Variants in ITSN2 observed in about 807,000 individuals in gnomAD.
The protein encoded by ITSN2 is intersectin 2.
In ITSN2, 156 loss-of-function variants were observed where a neutral mutation model predicts 243.7. The observed-to-expected ratio is 0.64, with a 90% CI of 0.56 to 0.73. The LOEUF is 0.73. Among genes scored for constraint, ITSN2 ranks in the 30% least tolerant of loss-of-function variants. The probability of loss-of-function intolerance (pLI) is 0.00; values close to 1 mark genes in which losing one functional copy is unlikely to be tolerated. For synonymous variants in ITSN2, 703 were observed against 699.9 expected, an observed-to-expected ratio of 1.00 and a Z score of -0.07; for missense variants, 1,801 against 1,996.1, an observed-to-expected ratio of 0.90 and a Z score of 1.86.
Position 24,248,896 on chromosome 2 carries a change from A to T in ITSN2, c.3121-14T>A. On this transcript the variant is annotated splice_polypyrimidine_tract_variant and intron_variant, in intron 25 of 39. Transcript: ENST00000355123. ...ACTCCCAAAACTCTACAAGGAAAAG[A>T]TACCGTGTTGTTTTATTATTTCCAA... 2.5e-6 allele frequency: 4 copies of T among 1,612,192 alleles called. No individual in the cohort carries two copies. Among genetic ancestry groups the T allele is most frequent in the Non-Finnish European group, 3.4e-6 (4 of 1,178,394 alleles).
At position 24,308,665 on chromosome 2, in the gene ITSN2, G is replaced by A. The variant is rs928548382; in HGVS notation, c.745C>T (p.Arg249Trp). ...AVPQPTRLKY[R>W]QKFNTLDKSM... is the part of the protein sequence containing the mutation. ...TTGTCAAGAGTATTAAATTTTTGCCGATATTTTAATCTTGTAGGCTGAGGA... is the reference window on the plus strand; with the variant it reads ...TTGTCAAGAGTATTAAATTTTTGCCAATATTTTAATCTTGTAGGCTGAGGA... Residue 249 changes from arginine to tryptophan, a missense_variant, in exon 8 of 40, where the codon CGG becomes TGG. Physicochemically the swap from Arg to Trp is moderately radical, Grantham distance 101. Transcript: ENST00000355123. 29 of 1,535,710 alleles carry A rather than the reference G, an allele frequency of 1.9e-5. No homozygotes were observed. The highest frequency in any genetic ancestry group is 2.4e-5 in the Non-Finnish European group (27 of 1,135,282).
At chr2:24,265,263 C>A (rs998087902) in intron 20 of ITSN2, among the ~76,000 whole-genome samples, 1 of 152,172 alleles carries the variant, frequency 6.6e-6, no homozygotes, top group African/African-American at 2.4e-5. Context: ...CCATTTATTT[C>A]GGACTTCAAT....
At chr2:24,243,510 G>C (rs1426704795) in intron 29 of ITSN2, among the ~76,000 whole-genome samples, 1 of 151,914 alleles carries the variant, frequency 6.6e-6, no homozygotes, top group Non-Finnish European at 1.5e-5. Flanking sequence ...TGTTTGTTTT[G>C]AGACAGGGTC....
At chr2:24,240,975 T>C (rs1672663374) in intron 29 of ITSN2, 1 of 152,170 alleles carries the variant, frequency 6.6e-6, no homozygotes, top group Non-Finnish European at 1.5e-5. Context: ...TATGTCAAAG[T>C]AGCCAATATG....
intron 29 of ITSN2, among the ~76,000 whole-genome samples, chr2:24,222,252 C>CAA (rs549424233): frequency 4.0e-4 from 26 of 64,942 alleles, no homozygotes; most frequent in African/African-American, 7.3e-4. Flanking sequence ...ACTTCATCTC[C>CAA]AAAAAAAAAA....
intron 1 of ITSN2, chr2:24,330,293 G>T: frequency 2.6e-6 from 1 of 387,238 alleles, no homozygotes; most frequent in Non-Finnish European, 4.9e-6. Flanking sequence ...ATGCCAAATA[G>T]AGAGCAACGT....
chr2:24,307,278 G>T (rs1682675775), intron 8 of ITSN2, among the ~76,000 whole-genome samples: 1 of 151,678 alleles, frequency 6.6e-6, no homozygotes. Flanking sequence ...AGAAAGCACT[G>T]CTAATAAAAC....
intron 20 of ITSN2, among the ~76,000 whole-genome samples, chr2:24,267,588 G>A (rs1204833536): frequency 6.6e-6 from 1 of 152,062 alleles, no homozygotes; most frequent in East Asian, 1.9e-4. Flanking sequence ...GTCTTACTCT[G>A]TCACCCAGGC....
intron 17 of ITSN2, among the ~76,000 whole-genome samples, chr2:24,278,707 A>G (rs1184850470): frequency 1.5e-5 from 2 of 135,400 alleles, no homozygotes; most frequent in African/African-American, 5.7e-5. Flanking sequence ...GCTGGAGTGC[A>G]GTGGCGCGAT....
At position 24,230,212 on chromosome 2, in the gene ITSN2, A is replaced by C. The variant is rs78570488; in HGVS notation, c.3578-9146T>G. On this transcript the variant is annotated intron_variant, in intron 29 of 39. Coordinates refer to ENST00000355123, the MANE Select transcript of ITSN2 (RefSeq NM_006277.3). ...TAATTTTCCACCTCAGTGGATGGCA[A>C]TATCATCTCTCCAGCTGCTCACGCC... Among the ~76,000 whole-genome samples, 1,107 of 152,262 alleles carry C rather than the reference A, an allele frequency of 7.3e-3. 8 individuals carry two copies. The highest frequency in any genetic ancestry group is 0.026 in the African/African-American group (1,066 of 41,538).
chr2:24,209,360 C>A (rs1573856578), intron 35 of ITSN2, 139 bp from the exon 36 acceptor site: 21 of 895,536 alleles, frequency 2.3e-5, no homozygotes, highest in Non-Finnish European at 3.5e-5. Flanking sequence ...GTCTTCTACA[C>A]AGAACAAATG....
rs1668520547 is a variant in ITSN2, at chr2:24,203,455, GT to G, written c.*170del. The stretch of plus-strand genomic sequence containing the variant: ...GGTTTGGTTTCTTTATGGGAAAGGT[GT>G]TTGCATAGATTGCTAGCTATTTAGT... On this transcript the variant is annotated 3_prime_UTR_variant, in exon 40 of 40. Coordinates refer to ENST00000355123, the MANE Select transcript of ITSN2 (RefSeq NM_006277.3). The G allele has an allele frequency of 9.5e-6, 6 of 631,376 alleles. No individual in the cohort carries two copies. In the South Asian group the frequency reaches 1.1e-4, roughly 12 times the overall value. The allele number at this position is 631,376 out of a possible 1,614,324, so 39.1% of individuals were successfully genotyped here. A position where few individuals can be genotyped will look rare whatever the true frequency, so the allele number is the denominator to read the frequency against.
intron 5 of ITSN2, 47 bp downstream of exon 5, chr2:24,312,165 T>A (rs559412738): frequency 5.4e-5 from 78 of 1,440,182 alleles, no homozygotes; most frequent in Admixed American, 1.0e-4. Context: ...TGCCTAGGGA[T>A]AAAGTTTAAG....
At chr2:24,264,290 T>C (rs1206259100) in intron 20 of ITSN2, among the ~76,000 whole-genome samples, 2 of 150,984 alleles carry the variant, frequency 1.3e-5, no homozygotes, top group Non-Finnish European at 2.9e-5. Flanking sequence ...ACTCGGGAGG[T>C]GGAGGCAGGA....
chr2:24,211,036 G>A lies in ITSN2; in HGVS notation c.4090-89C>T, dbSNP rs371694033. 2.0e-4 allele frequency: 251 copies of A among 1,257,614 alleles called. No individual in the cohort carries two copies. The African/African-American group carries it at 3.4e-3, about 17-fold the overall frequency. 77.9% of individuals were successfully genotyped at this position (1,257,614 alleles called of 1,614,324 possible). On this transcript the variant is annotated intron_variant, in intron 33 of 39. Transcript: ENST00000355123. This position sits in a 1 kb window ranked among gnomAD's most constrained non-coding sequence, Gnocchi z 4.1. ...CGCAGGACCGCTCCTCCAACCCCAT[G>A]TTATGGACTGCTTCCATGCCCTGGA...
intron 29 of ITSN2, among the ~76,000 whole-genome samples, chr2:24,235,348 G>C (rs931126454): frequency 6.6e-6 from 1 of 152,134 alleles, no homozygotes; most frequent in Non-Finnish European, 1.5e-5. Context: ...AGCTGAACAG[G>C]TAGAGCACAG....
rs1558492674 is a variant in ITSN2, at chr2:24,252,451, CCTT to C, written c.3011_3013del (p.Glu1004del). The C allele has an allele frequency of 6.2e-7, 1 of 1,612,730 alleles. No homozygotes were observed. Among genetic ancestry groups the C allele is most frequent in the Non-Finnish European group, 8.5e-7 (1 of 1,178,922 alleles). ...TTTCTGGGTCACCAATATTTCTTCA[CCTT>C]CTGTGAAAGTCAAATCTCCAGGTTC... On this transcript the variant is annotated inframe_deletion, in exon 25 of 40. Transcript: ENST00000355123.
intron 22 of ITSN2, among the ~76,000 whole-genome samples, chr2:24,259,350 C>A (rs190482277): frequency 3.8e-4 from 58 of 152,346 alleles, no homozygotes; most frequent in African/African-American, 1.4e-3. Flanking sequence ...TACCATAGCA[C>A]TTGTTCAAAC....
chr2:24,209,810 A>G lies in ITSN2; in HGVS notation c.4473+8T>C. The G allele has an allele frequency of 6.2e-7, 1 of 1,610,472 alleles. No individual in the cohort carries two copies. Among genetic ancestry groups the G allele is most frequent in the South Asian group, 1.1e-5 (1 of 91,022 alleles). On this transcript the variant is annotated splice_region_variant and intron_variant, in intron 35 of 39. Transcript: ENST00000355123. The stretch of plus-strand genomic sequence containing the variant: ...CCCTGATGCTACCCCCAGACGCGTG[A>G]TACTCACCGTTTTATACATTTTGAA...
Sources: allele counts gnomAD v4.1 joint callset (sites outside exome capture counted in the v4.1 genomes callset), GRCh38; gene constraint gnomAD v4.1.1; non-coding constraint Gnocchi (gnomAD v3.1); transcripts MANE v1.5; gene names NCBI Gene and HGNC (gene_info 2026-07-23, HGNC 2026-07-21).